Variants in RYR3 observed in about 807,000 individuals in gnomAD.
RYR3 encodes the protein brain ryanodine receptor-calcium release channel.
RYR3 carries 207 observed loss-of-function variants against 584.3 expected under a neutral mutation model. The observed-to-expected ratio is 0.35, with a 90% CI of 0.32 to 0.40. The LOEUF is 0.40. Among genes scored for constraint, RYR3 ranks in the 10% least tolerant of loss-of-function variants. The pLI is 1.00. For missense variants in RYR3, 5,616 were observed against 6,089.2 expected (o/e 0.92, Z 2.59); for synonymous variants, 2,416 against 2,248.5 (o/e 1.07, Z -2.11).
intron 1 of RYR3, among the ~76,000 whole-genome samples, chr15:33,403,367 A>G (rs1249662973): frequency 2.0e-4 from 30 of 152,214 alleles, no homozygotes; most frequent in Admixed American, 2.0e-3. Context: ...GATAAGATAC[A>G]TGTTTAAAGC....
chr15:33,451,685 T>C (rs1187922262), intron 1 of RYR3, among the ~76,000 whole-genome samples: 3 of 152,178 alleles, frequency 2.0e-5, no homozygotes, highest in Non-Finnish European at 2.9e-5. Context: ...CAGAGTGACA[T>C]AGCAAGGAAG....
At position 33,822,987 on chromosome 15, in the gene RYR3, C is replaced by T. The variant is rs2077189815; in HGVS notation, c.10996-9C>T. On this transcript the variant is annotated splice_polypyrimidine_tract_variant and intron_variant, in intron 80 of 103. Transcript: ENST00000634891. The stretch of plus-strand genomic sequence containing the variant: ...TCGCTTTTCCCCTTACAACGTGTCT[C>T]CCTTGCAGAAAATGCTAGATTACCT... 3.7e-6 allele frequency: 6 copies of T among 1,611,570 alleles called. No homozygotes were observed. The highest frequency in any genetic ancestry group is 5.1e-6 in the Non-Finnish European group (6 of 1,178,436).
At chr15:33,389,989 G>A (rs913285568) in intron 1 of RYR3, among the ~76,000 whole-genome samples, 16 of 152,158 alleles carry the variant, frequency 1.1e-4, no homozygotes, top group Non-Finnish European at 1.9e-4. Context: ...ACAATGAAGA[G>A]GGCCATGTAT....
At position 33,743,120 on chromosome 15, in the gene RYR3, G is replaced by C. The variant is rs574844489; in HGVS notation, c.7899+676G>C. On this transcript the variant is annotated intron_variant, in intron 52 of 103. Coordinates refer to ENST00000634891, the MANE Select transcript of RYR3 (RefSeq NM_001036.6). ...ATTTCTCAGCTGCAGCCTACGGTGT[G>C]TAACAGTGGACCCATGTCCACAGCA... is the stretch of plus-strand genomic sequence containing the variant. Among the ~76,000 whole-genome samples the C allele has an allele frequency of 2.0e-5, 3 of 152,286 alleles. No individual in the cohort carries two copies. In the South Asian group the frequency reaches 6.2e-4, roughly 32 times the overall value.
At chr15:33,625,703 T>C (rs534982418) in intron 20 of RYR3, among the ~76,000 whole-genome samples, 1 of 152,236 alleles carries the variant, frequency 6.6e-6, no homozygotes, top group South Asian at 2.1e-4. Context: ...GAAGGGCACT[T>C]CTGGGAAAAT....
intron 38 of RYR3, among the ~76,000 whole-genome samples, chr15:33,694,606 T>A (rs188224422): frequency 1.5e-3 from 224 of 152,274 alleles, no homozygotes; most frequent in African/African-American, 5.3e-3. Flanking sequence ...AATATATACA[T>A]GTGAATTAAC....
In RYR3 at chr15:33,670,579, GAC is replaced by G. The variant is rs748785147; in HGVS notation, c.5860+25_5860+26del. The G allele has an allele frequency of 1.2e-5, 18 of 1,544,032 alleles. 1 individual carries two copies. In the Admixed American group the frequency reaches 4.0e-4, roughly 34 times the overall value. On this transcript the variant is annotated intron_variant, in intron 38 of 103. Coordinates refer to ENST00000634891, the MANE Select transcript of RYR3 (RefSeq NM_001036.6). ...CCAGTAAGTGACATTGCCTTTAAAT[GAC>G]AGTGTGCTCTTCTAAGACTTAATTA...
chr15:33,661,350 T>A (rs2063150354), intron 34 of RYR3, among the ~76,000 whole-genome samples: 1 of 152,144 alleles, frequency 6.6e-6, no homozygotes, highest in African/African-American at 2.4e-5. Flanking sequence ...GGTTGGAAGG[T>A]GTTTCCTCTC....
intron 98 of RYR3, 147 bp from the exon 99 acceptor site, chr15:33,857,633 A>T: frequency 1.1e-6 from 1 of 894,698 alleles, no homozygotes; most frequent in Non-Finnish European, 1.7e-6. Flanking sequence ...ATGGCCTGAT[A>T]GCTTTCTTAG....
intron 57 of RYR3, among the ~76,000 whole-genome samples, chr15:33,754,106 T>C (rs1396366392): frequency 1.3e-5 from 2 of 152,248 alleles, no homozygotes; most frequent in Non-Finnish European, 2.9e-5. Context: ...ATCATGCCAA[T>C]GCACTCCAAT....
At chr15:33,788,060 T>A (rs936116582) in intron 66 of RYR3, among the ~76,000 whole-genome samples, 158 bp from the exon 67 acceptor site, 2 of 152,088 alleles carry the variant, frequency 1.3e-5, no homozygotes, top group Non-Finnish European at 2.9e-5. Flanking sequence ...GGTGACTCTA[T>A]GAGAGGGAAG....
At chr15:33,411,282 A>G (rs2043386446) in intron 1 of RYR3, among the ~76,000 whole-genome samples, 1 of 151,988 alleles carries the variant, frequency 6.6e-6, no homozygotes, top group Non-Finnish European at 1.5e-5. Context: ...TAAATAATGT[A>G]TTTTCCTTGT....
At chr15:33,679,013 C>A (rs1240816000) in intron 38 of RYR3, among the ~76,000 whole-genome samples, 1 of 152,152 alleles carries the variant, frequency 6.6e-6, no homozygotes, top group East Asian at 1.9e-4. Context: ...TTCAAAAGTC[C>A]TCTTGAAGTC....
intron 72 of RYR3, 61 bp downstream of exon 72, chr15:33,811,098 A>G: frequency 7.3e-7 from 1 of 1,376,878 alleles, no homozygotes; most frequent in East Asian, 2.4e-5. Flanking sequence ...GCAGGGTTCC[A>G]GCTTTTCACT....
chr15:33,765,728 A>G (rs1425631777), intron 60 of RYR3, among the ~76,000 whole-genome samples: 1 of 151,994 alleles, frequency 6.6e-6, no homozygotes, highest in Non-Finnish European at 1.5e-5. Context: ...GGGCCCAGCC[A>G]TTAAATATCA....
chr15:33,624,372 A>G (rs539561575), intron 20 of RYR3, among the ~76,000 whole-genome samples: 1 of 152,270 alleles, frequency 6.6e-6, no homozygotes, highest in Non-Finnish European at 1.5e-5. Flanking sequence ...AGTATGCACC[A>G]GTAAATACTA....
In RYR3 at chr15:33,603,138, C is replaced by T; in HGVS notation, c.1938C>T (p.Ile646=). The stretch of plus-strand genomic sequence containing the variant: ...TTACTTTCAGTATCCGGCCAAACAT[C>T]TTCCTGGGAGTCGCGGAGGGCTCAG... The part of the protein sequence containing the change: ...INDVTSIRPN[I]FLGVAEGSAQ... Residue 646 remains isoleucine (I), a synonymous_variant, in exon 18 of 104, where the codon ATC becomes ATT. Coordinates refer to ENST00000634891, the MANE Select transcript of RYR3 (RefSeq NM_001036.6). 1 of 1,613,896 alleles carries T rather than the reference C, an allele frequency of 6.2e-7. No homozygotes were observed.
chr15:33,376,867 T>C (rs1291885016), intron 1 of RYR3, among the ~76,000 whole-genome samples: 1 of 152,248 alleles, frequency 6.6e-6, no homozygotes, highest in African/African-American at 2.4e-5. Context: ...TAGCACCACT[T>C]GTTGAAAATT....
intron 16 of RYR3, among the ~76,000 whole-genome samples, chr15:33,600,540 G>A (rs1450356542): frequency 2.0e-5 from 3 of 152,038 alleles, no homozygotes; most frequent in Non-Finnish European, 4.4e-5. Flanking sequence ...TGAGCGTGCA[G>A]GACAAGGCAG....
Sources: gnomAD v4.1 joint callset for allele counts (sites outside exome capture counted in the v4.1 genomes callset) on GRCh38, gnomAD v4.1.1 for gene constraint, MANE v1.5 for transcripts, NCBI Gene and HGNC (gene_info 2026-07-23, HGNC 2026-07-21) for gene names.